Variants in EBF4 observed in about 807,000 individuals in gnomAD.
EBF4 encodes transcription factor COE4.
A neutral mutation model predicts 67.1 loss-of-function variants in EBF4; 34 were observed. That is an observed-to-expected ratio of 0.51 (90% confidence interval 0.39 to 0.67). The LOEUF is 0.67. Among genes scored for constraint, EBF4 ranks in the 30% least tolerant of loss-of-function variants. The pLI, the probability that EBF4 is intolerant of heterozygous loss-of-function variation, is 0.00. For missense variants in EBF4, 837 were observed against 873.3 expected (o/e 0.96, Z 0.52); for synonymous variants, 387 against 377.7 (o/e 1.02, Z -0.29).
chr20:2,721,330 C>CT (rs1485887667), intron 6 of EBF4, among the ~76,000 whole-genome samples: 1 of 140,380 alleles, frequency 7.1e-6, no homozygotes, highest in Non-Finnish European at 1.5e-5. Flanking sequence ...GTTCACTAAT[C>CT]TTTTTTTCTG....
In EBF4 at chr20:2,755,364, GT is replaced by G. The variant is rs200634313; in HGVS notation, c.1541-255del. The G allele has an allele frequency of 7.6e-5, 37 of 487,200 alleles. No individual in the cohort carries two copies. Among genetic ancestry groups the G allele is most frequent in the Admixed American group, 2.3e-4 (6 of 26,312 alleles). The allele number at this position is 487,200 out of a possible 1,614,324, so 30.2% of individuals were successfully genotyped here. ...TTTTGGGGGGTACCTCCCACTGTTT[GT>G]TTTTTTTGAATGTTCTGGTTTTGCT... is the stretch of plus-strand genomic sequence containing the variant. On this transcript the variant is annotated intron_variant, in intron 14 of 16. Coordinates refer to ENST00000609451, the Ensembl canonical transcript of EBF4. This position sits in a 1 kb window ranked among gnomAD's most constrained non-coding sequence, Gnocchi z 4.7.
At chr20:2,693,450 A>C, upstream of EBF4, 1 of 409,206 alleles carries the variant, frequency 2.4e-6, no homozygotes, top group Non-Finnish European at 3.8e-6. The surrounding 1 kb of genome is among the most constrained non-coding windows in gnomAD (Gnocchi z 4.6). Flanking sequence ...CCAGGAGGGG[A>C]GGGGACAGCG....
rs71193988 is a variant in EBF4, at chr20:2,705,785, CCACACACACACACACACACACA to C, written c.294+84_294+105del. ...ACTGGCCCCGGGAGGGAACCCCCAACCACACACACACACACACACACACACACACACACACACACACACACAC... is the reference window on the plus strand; with the variant it reads ...ACTGGCCCCGGGAGGGAACCCCCAACCACACACACACACACACACACACAC... On this transcript the variant is annotated intron_variant, in intron 2 of 16. Transcript: ENST00000609451. 0.011 allele frequency: 8,341 copies of C among 752,290 alleles called. 321 individuals are homozygous for C. In the African/African-American group the frequency reaches 0.12, roughly 11 times the overall value. The allele number at this position is 752,290 out of a possible 1,614,324, so 46.6% of individuals were successfully genotyped here.
chr20:2,723,342 A>T (rs6037386), intron 6 of EBF4, among the ~76,000 whole-genome samples: 54,407 of 150,666 alleles, frequency 0.36, 11,495 homozygotes, highest in African/African-American at 0.61. Context: ...TCTTTTATTT[A>T]TTTTTATTTT....
At position 2,707,577 on chromosome 20, in the gene EBF4, G is replaced by C. The variant is rs2087476689; in HGVS notation, c.415-370G>C. Among the ~76,000 whole-genome samples the C allele has an allele frequency of 6.6e-6, 1 of 151,826 alleles. No homozygotes were observed. The highest frequency in any genetic ancestry group is 1.5e-5 in the Non-Finnish European group (1 of 67,902). On this transcript the variant is annotated intron_variant, in intron 4 of 16. Transcript: ENST00000609451. This position sits in a 1 kb window ranked among gnomAD's most constrained non-coding sequence, Gnocchi z 4.6. ...AGGACATGGAGGATGCACACAGGAG[G>C]ATGCTGGGGGAGGGGAGGGGCCTGG...
chr20:2,723,671 C>T (rs1411509794), intron 6 of EBF4, among the ~76,000 whole-genome samples: 2 of 152,114 alleles, frequency 1.3e-5, no homozygotes, highest in East Asian at 1.9e-4. Flanking sequence ...TTTAATAGCA[C>T]GTTGCTGGAT....
chr20:2,749,935 A>C (rs1423605222), exon 10 of EBF4: 10 of 1,551,438 alleles, frequency 6.4e-6, no homozygotes, highest in Non-Finnish European at 2.6e-6. Flanking sequence ...AAGTCCAAGC[A>C]GTTTTGCAAG....
In EBF4 at chr20:2,758,895, C is replaced by G. The variant is rs2088283090; in HGVS notation, c.1739-14C>G. 1.3e-6 allele frequency: 2 copies of G among 1,551,616 alleles called. No individual in the cohort carries two copies. The highest frequency in any genetic ancestry group is 4.9e-5 in the East Asian group (2 of 40,924). On this transcript the variant is annotated splice_polypyrimidine_tract_variant and intron_variant, in intron 15 of 16. Coordinates refer to ENST00000609451, the Ensembl canonical transcript of EBF4. ...GCACATGGCTTATGGCTCCTTTTTC[C>G]TTGACTACTGCAGACCAGTCTTTTG...
chr20:2,723,403 T>A (rs965332605), intron 6 of EBF4, among the ~76,000 whole-genome samples: 9 of 152,144 alleles, frequency 5.9e-5, no homozygotes, highest in Admixed American at 5.9e-4. Flanking sequence ...CAGGCTGGAG[T>A]GCAGTGGCGC....
rs115530374 is a variant in EBF4 at position 2,739,787 on chromosome 20, C to A, written c.558-8762C>A. On this transcript the variant is annotated intron_variant, in intron 6 of 16. Coordinates refer to ENST00000609451, the Ensembl canonical transcript of EBF4. This position sits in a 1 kb window ranked among gnomAD's most constrained non-coding sequence, Gnocchi z 4.5. ...GATAAAAATTAGCGGAGATCCCTGT[C>A]CCCTTATTTCCCCATCTCAGGCTGC... 6.3e-3 allele frequency among the ~76,000 whole-genome samples: 961 copies of A among 152,290 alleles called. 11 individuals are homozygous for A. Among genetic ancestry groups the A allele is most frequent in the African/African-American group, 0.022 (894 of 41,546 alleles).
At chr20:2,727,162 ATATAT>A (rs1164671492) in intron 6 of EBF4, among the ~76,000 whole-genome samples, 1 of 151,976 alleles carries the variant, frequency 6.6e-6, no homozygotes, top group East Asian at 1.9e-4. Context: ...ACCTTTTATT[ATATAT>A]TATATGTTTA....
intron 6 of EBF4, among the ~76,000 whole-genome samples, chr20:2,721,246 CTT>C (rs146844927): frequency 0.17 from 18,636 of 107,886 alleles, 1,059 homozygotes; most frequent in East Asian, 0.31. Context: ...TGATTCTCTT[CTT>C]TTTTTTTTTT....
At chr20:2,709,587 C>A (rs373720477) in exon 6 of EBF4, 1 of 1,556,342 alleles carries the variant, frequency 6.4e-7, no homozygotes, top group South Asian at 1.2e-5. Flanking sequence ...GTGCTGTGAC[C>A]GGAAGAGCTG....
rs778675351 is a variant in EBF4, at chr20:2,751,780, C to T, written c.1099C>T (p.Leu367=). 57 of 1,532,004 alleles carry T rather than the reference C, an allele frequency of 3.7e-5. No homozygotes were observed. Among genetic ancestry groups the T allele is most frequent in the Admixed American group, 2.8e-4 (14 of 50,548 alleles). 94.9% of individuals were successfully genotyped at this position (1,532,004 alleles called of 1,614,324 possible). A position where few individuals can be genotyped will look rare whatever the true frequency, so the allele number is the denominator to read the frequency against. ...CAGACACCCCGGAGACCCCGAGAGGCTGCCCAAGGTACTCAGAGGGGCGGG... is the reference window on the plus strand; with the variant it reads ...CAGACACCCCGGAGACCCCGAGAGGTTGCCCAAGGTACTCAGAGGGGCGGG... The change falls in exon 11 of 17, where the codon CTG becomes TTG. Residue 367 remains leucine, a synonymous_variant. Coordinates refer to ENST00000609451, the Ensembl canonical transcript of EBF4. The surrounding 1 kb of genome is among the most constrained non-coding windows in gnomAD (Gnocchi z 5.2).
chr20:2,709,665 T>A, intron 6 of EBF4, 23 bp downstream of exon 6: 1 of 1,519,714 alleles, frequency 6.6e-7, no homozygotes, highest in Middle Eastern at 1.7e-4. Flanking sequence ...GGAGGGGGCC[T>A]GGAAGCTCAG....
intron 1 of EBF4, among the ~76,000 whole-genome samples, chr20:2,701,984 C>T (rs1357800348): frequency 6.6e-6 from 1 of 152,200 alleles, no homozygotes; most frequent in African/African-American, 2.4e-5. Context: ...GCTTCCCTGC[C>T]TCTTGCTGGC....
At chr20:2,705,615 C>A in exon 2 of EBF4, 1 of 1,553,278 alleles carries the variant, frequency 6.4e-7, no homozygotes, top group Non-Finnish European at 8.7e-7. Context: ...GAGAAGCAGC[C>A]TCCCTCCAAC....
intron 6 of EBF4, among the ~76,000 whole-genome samples, chr20:2,711,143 G>A (rs1362386019): frequency 1.6e-5 from 2 of 122,762 alleles, no homozygotes; most frequent in African/African-American, 3.8e-5. Context: ...GTGAGACCCT[G>A]TCTAAAATAA....
At position 2,755,919 on chromosome 20, in the gene EBF4, G is replaced by A. The variant is rs2146521265; in HGVS notation, c.1738+95G>A. 1.6e-6 allele frequency: 2 copies of A among 1,222,436 alleles called. No homozygotes were observed. The highest frequency in any genetic ancestry group is 2.6e-5 in the East Asian group (1 of 39,100). The allele number at this position is 1,222,436 out of a possible 1,614,324, so 75.7% of individuals were successfully genotyped here. A position where few individuals can be genotyped will look rare whatever the true frequency, so the allele number is the denominator to read the frequency against. ...CCTGCTCTGTCCACATCTCACCAGT[G>A]CCTCATGCTGGCTAACCTGCTCTTC... On this transcript the variant is annotated intron_variant, in intron 15 of 16. Transcript: ENST00000609451. The surrounding 1 kb of genome is among the most constrained non-coding windows in gnomAD (Gnocchi z 4.7).
Sources: allele counts gnomAD v4.1 joint callset (sites outside exome capture counted in the v4.1 genomes callset), GRCh38; gene constraint gnomAD v4.1.1; non-coding constraint Gnocchi (gnomAD v3.1); transcripts MANE v1.5; gene names NCBI Gene and HGNC (gene_info 2026-07-23, HGNC 2026-07-21).